SLC25A21: variants seen among roughly 807,000 people sequenced by gnomAD.
SLC25A21 encodes the protein mitochondrial 2-oxodicarboxylate carrier.
A neutral mutation model predicts 43.8 loss-of-function variants in SLC25A21; 47 were observed. That is an observed-to-expected ratio of 1.07 (90% confidence interval 0.85 to 1.37). The LOEUF (loss-of-function observed/expected upper bound fraction) is 1.37. Ranked by LOEUF, SLC25A21 falls within the 40% of genes most tolerant of loss-of-function variation. The pLI, the probability that SLC25A21 is intolerant of heterozygous loss-of-function variation, is 0.00. For synonymous variants in SLC25A21, 131 were observed against 121.3 expected, an observed-to-expected ratio of 1.08 and a Z score of -0.52; for missense variants, 352 against 350.2, an observed-to-expected ratio of 1.00 and a Z score of -0.04.
intron 1 of SLC25A21, among the ~76,000 whole-genome samples, chr14:36,880,185 T>C (rs546775343): frequency 4.6e-5 from 7 of 152,162 alleles, no homozygotes; most frequent in Non-Finnish European, 1.0e-4. Context: ...ATCTGGGAAG[T>C]TTTTTAAAGA....
intron 1 of SLC25A21, among the ~76,000 whole-genome samples, chr14:37,144,657 T>C (rs566836757): frequency 7.2e-5 from 11 of 152,306 alleles, no homozygotes; most frequent in African/African-American, 1.9e-4. Flanking sequence ...AGTAGTTAAG[T>C]GAAATAAGAT....
At chr14:36,818,924 C>T (rs1464855636) in intron 2 of SLC25A21, among the ~76,000 whole-genome samples, 1 of 152,186 alleles carries the variant, frequency 6.6e-6, no homozygotes, top group Non-Finnish European at 1.5e-5. Flanking sequence ...TGTAAAATTA[C>T]AAAGGCAAAG....
At position 36,679,802 on chromosome 14, in the gene SLC25A21, A is replaced by G. The variant is rs1330531794; in HGVS notation, c.*856T>C. The G allele has an allele frequency of 1.7e-5, 17 of 985,106 alleles. No individual in the cohort carries two copies. The highest frequency in any genetic ancestry group is 1.9e-5 in the Non-Finnish European group (16 of 829,746). 61.0% of individuals were successfully genotyped at this position (985,106 alleles called of 1,614,324 possible). On this transcript the variant is annotated 3_prime_UTR_variant, in exon 10 of 10. Coordinates refer to ENST00000331299, the MANE Select transcript of SLC25A21 (RefSeq NM_030631.4). ...TACTGATGGCTGACAAATGGGTCCA[A>G]AGGTGTTTCCAATTTGTGATTTAAC...
chr14:37,030,168 A>G (rs1177473660), intron 1 of SLC25A21, among the ~76,000 whole-genome samples: 4 of 152,250 alleles, frequency 2.6e-5, no homozygotes, highest in African/African-American at 7.2e-5. Flanking sequence ...TAGGAAAATC[A>G]TAAGAAAGAG....
chr14:37,012,574 G>T (rs1167309150), intron 1 of SLC25A21, among the ~76,000 whole-genome samples: 1 of 152,124 alleles, frequency 6.6e-6, no homozygotes, highest in Non-Finnish European at 1.5e-5. Flanking sequence ...TTAACAGAAA[G>T]TTTAGTATTT....
chr14:37,109,163 C>T (rs1348153486), intron 1 of SLC25A21, among the ~76,000 whole-genome samples: 1 of 152,098 alleles, frequency 6.6e-6, no homozygotes, highest in Admixed American at 6.6e-5. Flanking sequence ...AAATGCACAG[C>T]TTTGTAGATC....
At chr14:36,789,621 T>C (rs1290028091) in intron 3 of SLC25A21, among the ~76,000 whole-genome samples, 3 of 146,790 alleles carry the variant, frequency 2.0e-5, no homozygotes, top group African/African-American at 7.6e-5. Flanking sequence ...TATAAAAACC[T>C]AAAACATAAG....
At chr14:37,041,427 G>A (rs1248580437) in intron 1 of SLC25A21, among the ~76,000 whole-genome samples, 2 of 152,086 alleles carry the variant, frequency 1.3e-5, no homozygotes, top group Non-Finnish European at 2.9e-5. Context: ...CCTGAGGAGT[G>A]AGGATCACTT....
At chr14:36,712,543 G>A (rs1017016844) in intron 6 of SLC25A21, among the ~76,000 whole-genome samples, 1 of 152,176 alleles carries the variant, frequency 6.6e-6, no homozygotes, top group African/African-American at 2.4e-5. Flanking sequence ...CTTCCCATCT[G>A]CATTTATAAT....
At chr14:37,072,788 A>G (rs780413216) in intron 1 of SLC25A21, among the ~76,000 whole-genome samples, 1 of 152,230 alleles carries the variant, frequency 6.6e-6, no homozygotes, top group Non-Finnish European at 1.5e-5. Flanking sequence ...TTCTAGAAAT[A>G]TCACTTAAAA....
chr14:36,734,599 A>G (rs772727467), intron 3 of SLC25A21, 26 bp from the exon 4 acceptor site: 70 of 1,552,470 alleles, frequency 4.5e-5, no homozygotes, highest in Non-Finnish European at 5.6e-5. Context: ...AAGATTTCCT[A>G]TGAGTAAGGA....
At chr14:37,043,612 T>A (rs1278260030) in intron 1 of SLC25A21, among the ~76,000 whole-genome samples, 1 of 152,168 alleles carries the variant, frequency 6.6e-6, no homozygotes, top group African/African-American at 2.4e-5. Context: ...TGCCCTAGTC[T>A]CCATCCCTTA....
In SLC25A21 at chr14:36,804,252, CTGAGA is replaced by C. The variant is rs150083787; in HGVS notation, c.203+9661_203+9665del. Among the ~76,000 whole-genome samples the C allele has an allele frequency of 2.1e-4, 32 of 152,250 alleles. No individual in the cohort carries two copies. In the East Asian group the frequency reaches 3.1e-3, roughly 15 times the overall value. On this transcript the variant is annotated intron_variant, in intron 3 of 9. Coordinates refer to ENST00000331299, the MANE Select transcript of SLC25A21 (RefSeq NM_030631.4). ...TCTTCCCTAGATGAAATTCAGCCAACTGAGATGAGATATGTACAAGGCTTTGAACC... is the reference window on the plus strand; with the variant it reads ...TCTTCCCTAGATGAAATTCAGCCAACTGAGATATGTACAAGGCTTTGAACC...
chr14:36,998,559 A>G (rs1432836466), intron 1 of SLC25A21, among the ~76,000 whole-genome samples: 1 of 152,190 alleles, frequency 6.6e-6, no homozygotes, highest in Non-Finnish European at 1.5e-5. Context: ...CTAAGCCTGG[A>G]TAAGTGTATT....
At chr14:36,990,164 C>T (rs1190946020) in intron 1 of SLC25A21, among the ~76,000 whole-genome samples, 1 of 152,132 alleles carries the variant, frequency 6.6e-6, no homozygotes, top group African/African-American at 2.4e-5. Context: ...AATCTGCCAC[C>T]TGAGATTCCA....
intron 3 of SLC25A21, among the ~76,000 whole-genome samples, chr14:36,791,701 A>G (rs1179417314): frequency 1.3e-5 from 2 of 152,220 alleles, no homozygotes; most frequent in Non-Finnish European, 2.9e-5. Context: ...ATTAACAGCT[A>G]GGAAAATTCC....
chr14:36,759,399 G>A (rs779409453), intron 3 of SLC25A21, among the ~76,000 whole-genome samples: 2 of 151,948 alleles, frequency 1.3e-5, no homozygotes, highest in Admixed American at 6.6e-5. Flanking sequence ...CCGTTTTGTC[G>A]TTCTTATGAG....
intron 3 of SLC25A21, among the ~76,000 whole-genome samples, chr14:36,779,627 T>TATATGTATACATACACAC (rs1433369320): frequency 1.4e-5 from 2 of 143,036 alleles, no homozygotes; most frequent in Non-Finnish European, 3.1e-5. Flanking sequence ...TATATATATA[T>TATATGTATACATACACAC]ATATATATAT....
At chr14:37,084,172 C>T (rs892460371) in intron 1 of SLC25A21, among the ~76,000 whole-genome samples, 2 of 152,180 alleles carry the variant, frequency 1.3e-5, no homozygotes, top group African/African-American at 4.8e-5. Flanking sequence ...CCTCCCCCCA[C>T]CTTATGTCCT....
Sources: gnomAD v4.1 joint callset for allele counts (sites outside exome capture counted in the v4.1 genomes callset) on GRCh38, gnomAD v4.1.1 for gene constraint, MANE v1.5 for transcripts, NCBI Gene and HGNC (gene_info 2026-07-23, HGNC 2026-07-21) for gene names.